STARD9: variants seen among roughly 807,000 people sequenced by gnomAD.
STARD9 encodes stAR-related lipid transfer protein 9.
Under a neutral mutation model 399.8 loss-of-function variants are expected in STARD9, and 346 were observed. That is an observed-to-expected ratio of 0.87 (90% CI 0.79 to 0.95). The LOEUF is 0.95. Ranked by LOEUF, STARD9 falls within the 40% of genes least tolerant of loss-of-function variation. The pLI is 0.00. For missense variants in STARD9, 5,832 were observed against 5,667.5 expected, an observed-to-expected ratio of 1.03 and a Z score of -0.93; for synonymous variants, 2,203 against 2,143.5, an observed-to-expected ratio of 1.03 and a Z score of -0.77.
rs774076374 is a variant in STARD9 at position 42,583,409 on chromosome 15, T to C, written c.111T>C (p.Asn37=). The change falls in exon 2 of 33, where the codon AAT becomes AAC. Residue 37 remains asparagine, a synonymous_variant. Transcript: ENST00000290607. The part of the protein sequence containing the change: ...EVDGKVAKIR[N]LKVDNRPDGF... The stretch of plus-strand genomic sequence containing the variant: ...ATGGCAAAGTGGCAAAAATCAGGAA[T>C]TTAAAGGTAAGCCTGAAATTGTTTT... 14 of 1,536,160 alleles carry C rather than the reference T, an allele frequency of 9.1e-6. No individual in the cohort carries two copies. The South Asian group carries it at 1.7e-4, about 18-fold the overall frequency.
chr15:42,596,148 G>C (rs1566860241), intron 3 of STARD9, among the ~76,000 whole-genome samples: 1 of 152,186 alleles, frequency 6.6e-6, no homozygotes, highest in African/African-American at 2.4e-5. Context: ...GTGGTAGCTA[G>C]AGCCCTTGAG....
rs375205552 is a variant in STARD9 at position 42,691,626 on chromosome 15, G to A, written c.10048G>A (p.Glu3350Lys). ...TGTGGAGCCTCCTTCCCCTACAGAC[G>A]AAGATACACAGGGGCCTAACAGATT... The part of the protein sequence containing the change: ...LSVEPPSPTD[E>K]DTQGPNRLWN... Residue 3350 changes from glutamate to lysine, a missense_variant, in exon 23 of 33, where the codon GAA (glutamate) becomes AAA (lysine). This residue lies in a region of STARD9 where 5,828 missense variants were observed against 5,651.1 expected (regional missense o/e 1.03). Coordinates refer to ENST00000290607, the MANE Select transcript of STARD9 (RefSeq NM_020759.3). 1.1e-5 allele frequency: 17 copies of A among 1,537,090 alleles called. No homozygotes were observed. The highest frequency in any genetic ancestry group is 4.8e-5 in the South Asian group (4 of 84,068).
chr15:42,656,401 T>G (rs1319179038), intron 9 of STARD9, among the ~76,000 whole-genome samples: 1 of 144,502 alleles, frequency 6.9e-6, no homozygotes, highest in Non-Finnish European at 1.5e-5. Context: ...AAGGGAACGC[T>G]TTTACACTGT....
intron 3 of STARD9, among the ~76,000 whole-genome samples, chr15:42,614,880 C>T (rs1043519595): frequency 2.6e-5 from 4 of 151,784 alleles, no homozygotes; most frequent in African/African-American, 7.3e-5. Context: ...CGGGAGAATC[C>T]CTTGAACCCG....
intron 9 of STARD9, 22 bp downstream of exon 9, chr15:42,652,614 G>A: frequency 2.0e-6 from 3 of 1,530,638 alleles, no homozygotes; most frequent in Non-Finnish European, 2.6e-6. Flanking sequence ...CTTATGTTTG[G>A]TGAGATTTCT....
intron 7 of STARD9, among the ~76,000 whole-genome samples, chr15:42,649,413 C>T (rs573136187): frequency 6.6e-6 from 1 of 152,182 alleles, no homozygotes; most frequent in Non-Finnish European, 1.5e-5. Flanking sequence ...ATTCTTTCTT[C>T]AGCTATGTCT....
chr15:42,687,543 G>C lies in STARD9; in HGVS notation c.5965G>C (p.Asp1989His), dbSNP rs949363319. ...GLLEKGLRPK[D>H]SSEEFKLPGT... Reference sequence around the variant, plus strand: ...TCTTGAAAAAGGTCTTCGTCCCAAAGATAGCTCAGAAGAGTTTAAGCTTCC... The same window carrying C: ...TCTTGAAAAAGGTCTTCGTCCCAAACATAGCTCAGAAGAGTTTAAGCTTCC... Residue 1989 changes from aspartate to histidine, a missense_variant, in exon 23 of 33, where the codon GAT (aspartate) becomes CAT (histidine). By Grantham distance (81) the Asp-to-His change is moderately conservative (BLOSUM62 -1). This residue lies in a region of STARD9 where 5,828 missense variants were observed against 5,651.1 expected (regional missense o/e 1.03). Coordinates refer to ENST00000290607, the MANE Select transcript of STARD9 (RefSeq NM_020759.3). The C allele has an allele frequency of 2.0e-6, 3 of 1,536,912 alleles. No homozygotes were observed. The highest frequency in any genetic ancestry group is 2.7e-5 in the African/African-American group (2 of 73,044).
chr15:42,581,438 G>A, intron 1 of STARD9: 1 of 1,528,846 alleles, frequency 6.5e-7, no homozygotes, highest in Non-Finnish European at 9.0e-7. Flanking sequence ...TGTGGGTGGG[G>A]AAGGCGCGGC....
intron 3 of STARD9, among the ~76,000 whole-genome samples, chr15:42,615,713 AT>A (rs1375001272): frequency 1.3e-5 from 2 of 151,078 alleles, no homozygotes; most frequent in African/African-American, 4.9e-5. Context: ...TGAAAAGGAG[AT>A]TAAAAAAAAA....
At chr15:42,678,967 AG>A (rs1472527560) in intron 20 of STARD9, among the ~76,000 whole-genome samples, 5 of 152,220 alleles carry the variant, frequency 3.3e-5, no homozygotes, top group Non-Finnish European at 7.3e-5. Flanking sequence ...CTCTCCTTGC[AG>A]GTCCTATGGC....
chr15:42,703,932 A>C (rs2140348285), intron 26 of STARD9, among the ~76,000 whole-genome samples: 1 of 151,972 alleles, frequency 6.6e-6, no homozygotes, highest in African/African-American at 2.4e-5. Flanking sequence ...TTTGAGATGG[A>C]GTTTCACTCT....
At chr15:42,614,733 G>A (rs920583154) in intron 3 of STARD9, among the ~76,000 whole-genome samples, 15 of 152,118 alleles carry the variant, frequency 9.9e-5, no homozygotes, top group Non-Finnish European at 4.4e-5. Context: ...TTGGGAGGCC[G>A]AGGTGGGCAG....
chr15:42,649,263 C>T (rs2059708654), intron 7 of STARD9, among the ~76,000 whole-genome samples: 1 of 151,762 alleles, frequency 6.6e-6, no homozygotes, highest in Non-Finnish European at 1.5e-5. Context: ...CTCCTGACCT[C>T]ATGATCCACC....
At chr15:42,612,092 T>C (rs115792942) in intron 3 of STARD9, among the ~76,000 whole-genome samples, 116 of 152,288 alleles carry the variant, frequency 7.6e-4, no homozygotes, top group African/African-American at 2.6e-3. Context: ...TCTCAGGGCC[T>C]TAGCCTCCTG....
chr15:42,688,127 T>G lies in STARD9; in HGVS notation c.6549T>G (p.Ser2183=). 1 of 1,537,318 alleles carries G rather than the reference T, an allele frequency of 6.5e-7. No individual in the cohort carries two copies. ...SDRPARDICD[S]LGKHTTCREF... is the part of the protein sequence containing the mutation. ...GACCTGCCAGGGATATTTGTGATTCTTTAGGGAAACACACAACTTGCAGAG... is the reference window on the plus strand; with the variant it reads ...GACCTGCCAGGGATATTTGTGATTCGTTAGGGAAACACACAACTTGCAGAG... The change falls in exon 23 of 33, where the codon TCT becomes TCG. Residue 2183 remains serine, a synonymous_variant. Transcript: ENST00000290607.
At chr15:42,676,011 C>A in intron 20 of STARD9, 36 bp downstream of exon 20, 1 of 715,542 alleles carries the variant, frequency 1.4e-6, no homozygotes, top group Non-Finnish European at 2.1e-6. Flanking sequence ...GTGGAACCTA[C>A]TGGGTTCGCT....
At chr15:42,679,391 C>G (rs2060380539) in intron 20 of STARD9, among the ~76,000 whole-genome samples, 1 of 152,296 alleles carries the variant, frequency 6.6e-6, no homozygotes, top group South Asian at 2.1e-4. Context: ...GTATATTTGG[C>G]CTTTTGCCCA....
chr15:42,643,064 A>G (rs2059572747), intron 7 of STARD9, among the ~76,000 whole-genome samples: 2 of 151,720 alleles, frequency 1.3e-5, no homozygotes, highest in Non-Finnish European at 2.9e-5. Flanking sequence ...TTGGTATACT[A>G]ATACATTTAT....
Position 42,691,813 on chromosome 15 carries a change from C to T in STARD9, c.10235C>T (p.Thr3412Ile). Residue 3412 changes from threonine to isoleucine, a missense_variant, in exon 23 of 33, where the codon ACT becomes ATT. By Grantham distance (89) the Thr-to-Ile change is moderately conservative. This residue lies in a region of STARD9 where 5,828 missense variants were observed against 5,651.1 expected (regional missense o/e 1.03). Coordinates refer to ENST00000290607, the MANE Select transcript of STARD9 (RefSeq NM_020759.3). The part of the protein sequence containing the change: ...PATPPYPMPS[T>I]LSHMPTPDFT... ...ACCCCTCCTTATCCAATGCCTTCCA[C>T]TCTCTCACACATGCCAACCCCTGAT... is the stretch of plus-strand genomic sequence containing the variant. 4 of 1,537,272 alleles carry T rather than the reference C, an allele frequency of 2.6e-6. No homozygotes were observed. Among genetic ancestry groups the T allele is most frequent in the Non-Finnish European group, 3.5e-6 (4 of 1,146,920 alleles).
Sources: gnomAD v4.1 joint callset for allele counts (sites outside exome capture counted in the v4.1 genomes callset) on GRCh38, gnomAD v4.1.1 for gene constraint, gnomAD v4.1.1 regional missense constraint, MANE v1.5 for transcripts, NCBI Gene and HGNC (gene_info 2026-07-23, HGNC 2026-07-21) for gene names.